PRKCA: variants seen among roughly 807,000 people sequenced by gnomAD.
PRKCA encodes the protein protein kinase C alpha type.
PRKCA carries 27 observed loss-of-function variants against 87.0 expected under a neutral mutation model. The observed-to-expected ratio is 0.31, with a 90% CI of 0.23 to 0.43. The LOEUF is 0.43. Ranked by LOEUF, PRKCA falls within the 20% of genes least tolerant of loss-of-function variation. The pLI, the probability that PRKCA is intolerant of heterozygous loss-of-function variation, is 1.00. For synonymous variants in PRKCA, 329 were observed against 311.1 expected, an observed-to-expected ratio of 1.06 and a Z score of -0.61; for missense variants, 518 against 852.3, an observed-to-expected ratio of 0.61 and a Z score of 4.88.
intron 2 of PRKCA, among the ~76,000 whole-genome samples, chr17:66,470,212 T>A (rs952417923): frequency 1.7e-3 from 94 of 55,896 alleles, no homozygotes; most frequent in East Asian, 1.5e-3. Flanking sequence ...TTTTTTTTTT[T>A]AAAAGACAGA....
chr17:66,681,666 T>TA (rs1330515345), intron 5 of PRKCA, among the ~76,000 whole-genome samples: 3 of 152,202 alleles, frequency 2.0e-5, no homozygotes, highest in African/African-American at 7.2e-5. Context: ...TTGGGTAATT[T>TA]ATCCAAAGCC....
At chr17:66,710,458 C>T (rs946517940) in intron 8 of PRKCA, among the ~76,000 whole-genome samples, 1 of 152,174 alleles carries the variant, frequency 6.6e-6, no homozygotes, top group African/African-American at 2.4e-5. Context: ...GTCATGTCCG[C>T]TTCTTAAAGG....
chr17:66,517,295 A>C (rs1166949837), intron 3 of PRKCA, among the ~76,000 whole-genome samples: 1 of 152,018 alleles, frequency 6.6e-6, no homozygotes, highest in Non-Finnish European at 1.5e-5. Context: ...AAAATAAAAA[A>C]TTTTCAGAAT....
At chr17:66,587,068 C>A (rs141434258) in intron 3 of PRKCA, among the ~76,000 whole-genome samples, 11 of 152,100 alleles carry the variant, frequency 7.2e-5, no homozygotes, top group Admixed American at 7.2e-4. Flanking sequence ...AATGTCTGTC[C>A]TCCTGGGATA....
intron 2 of PRKCA, among the ~76,000 whole-genome samples, chr17:66,380,849 A>G (rs1281741959): frequency 6.6e-6 from 1 of 152,218 alleles, no homozygotes; most frequent in Non-Finnish European, 1.5e-5. Context: ...CACCCAAAAT[A>G]AAAAGCAAAA....
At chr17:66,382,339 T>C (rs1260191641) in intron 2 of PRKCA, among the ~76,000 whole-genome samples, 1 of 152,206 alleles carries the variant, frequency 6.6e-6, no homozygotes, top group Non-Finnish European at 1.5e-5. Flanking sequence ...TCTCACTCTG[T>C]TGCCCAGGCT....
intron 3 of PRKCA, among the ~76,000 whole-genome samples, chr17:66,589,994 G>A (rs777697051): frequency 3.9e-5 from 6 of 152,102 alleles, no homozygotes; most frequent in Non-Finnish European, 5.9e-5. Flanking sequence ...GTGATCTGAC[G>A]GTAGGCAGAG....
chr17:66,455,480 C>T (rs954896972), intron 2 of PRKCA, among the ~76,000 whole-genome samples: 4 of 152,140 alleles, frequency 2.6e-5, no homozygotes, highest in South Asian at 2.1e-4. Context: ...GAAGCATCAG[C>T]GAAGCCATAG....
chr17:66,643,991 G>A (rs1190962240), intron 4 of PRKCA, among the ~76,000 whole-genome samples: 3 of 152,250 alleles, frequency 2.0e-5, no homozygotes, highest in East Asian at 3.9e-4. Context: ...TCCCCTCCCC[G>A]TTGCCTCTGT....
intron 2 of PRKCA, among the ~76,000 whole-genome samples, chr17:66,488,761 G>C (rs1453477728): frequency 1.3e-5 from 2 of 152,200 alleles, no homozygotes; most frequent in African/African-American, 4.8e-5. Context: ...GATGCTGAAA[G>C]GAAGAATCAA....
intron 5 of PRKCA, 78 bp downstream of exon 5, chr17:66,645,589 G>C: frequency 6.3e-7 from 1 of 1,581,444 alleles, no homozygotes; most frequent in Non-Finnish European, 8.6e-7. Context: ...GGCAGGGTGG[G>C]GGCTGGGCTG....
Position 66,668,172 on chromosome 17 carries a change from G to T in PRKCA, c.530-18939G>T, listed in dbSNP as rs151222378. ...TTCGACCAGCCAAAAAACCTGGGAG[G>T]CACTCCTTTGCTATGGAGTTTCTCT... On this transcript the variant is annotated intron_variant, in intron 5 of 16. Coordinates refer to ENST00000413366, the MANE Select transcript of PRKCA (RefSeq NM_002737.3). Among the ~76,000 whole-genome samples the T allele has an allele frequency of 2.1e-3, 320 of 152,302 alleles. 1 individual carries two copies. Among genetic ancestry groups the T allele is most frequent in the Middle Eastern group, 0.01 (3 of 294 alleles).
In PRKCA at chr17:66,625,541, A is replaced by G. The variant is rs201289798; in HGVS notation, c.289-15814A>G. ...ATAGAAATCTAGAGATAATGAAGAT[A>G]GAAGATAGCATTATCACTTATTTTC... On this transcript the variant is annotated intron_variant, in intron 3 of 16. Transcript: ENST00000413366. 1.2e-4 allele frequency among the ~76,000 whole-genome samples: 19 copies of G among 152,348 alleles called. No homozygotes were observed. The East Asian group carries it at 3.7e-3, about 29-fold the overall frequency.
At chr17:66,384,342 T>C (rs1909930967) in intron 2 of PRKCA, among the ~76,000 whole-genome samples, 2 of 152,162 alleles carry the variant, frequency 1.3e-5, no homozygotes, top group African/African-American at 4.8e-5. Context: ...AAACCTGTTT[T>C]ATGGAGTAGT....
At chr17:66,431,586 T>A (rs193065824) in intron 2 of PRKCA, among the ~76,000 whole-genome samples, 1 of 152,350 alleles carries the variant, frequency 6.6e-6, no homozygotes, top group Non-Finnish European at 1.5e-5. Context: ...CTCCAGAGGT[T>A]GGCTGAGAAA....
chr17:66,515,225 T>C (rs1057401138), intron 3 of PRKCA, among the ~76,000 whole-genome samples: 1 of 146,210 alleles, frequency 6.8e-6, no homozygotes, highest in Admixed American at 7.0e-5. Flanking sequence ...TGAGCCAAGA[T>C]TGCGCCGCTG....
At chr17:66,465,266 G>A (rs1337533690) in intron 2 of PRKCA, among the ~76,000 whole-genome samples, 1 of 152,142 alleles carries the variant, frequency 6.6e-6, no homozygotes, top group Non-Finnish European at 1.5e-5. Flanking sequence ...GATTTGTTTT[G>A]TGGGAAAGGG....
intron 3 of PRKCA, among the ~76,000 whole-genome samples, chr17:66,591,882 C>T (rs1189009046): frequency 6.6e-6 from 1 of 152,142 alleles, no homozygotes; most frequent in Admixed American, 6.5e-5. Flanking sequence ...CCCTGCCGAA[C>T]CTTTGCTGAA....
intron 5 of PRKCA, among the ~76,000 whole-genome samples, chr17:66,668,731 A>C (rs1236249767): frequency 1.3e-5 from 2 of 152,220 alleles, no homozygotes; most frequent in Non-Finnish European, 2.9e-5. Flanking sequence ...AGTATCATGG[A>C]GAACATATTT....
Sources: allele counts gnomAD v4.1 joint callset (sites outside exome capture counted in the v4.1 genomes callset), GRCh38; gene constraint gnomAD v4.1.1; transcripts MANE v1.5; gene names NCBI Gene and HGNC (gene_info 2026-07-23, HGNC 2026-07-21).